Variants in PTPRB observed in about 807,000 individuals in gnomAD.
PTPRB encodes the protein protein tyrosine phosphatase receptor type B, also known as receptor-type tyrosine-protein phosphatase beta.
A neutral mutation model predicts 238.1 loss-of-function variants in PTPRB; 97 were observed. That is an observed-to-expected ratio of 0.41 (90% CI 0.35 to 0.48). The LOEUF (loss-of-function observed/expected upper bound fraction) is 0.48. Ranked by LOEUF, PTPRB falls within the 20% of genes least tolerant of loss-of-function variation. The pLI, the probability that PTPRB is intolerant of heterozygous loss-of-function variation, is 0.30. For missense variants in PTPRB, 2,292 were observed against 2,681.9 expected (o/e 0.85, Z 3.21); for synonymous variants, 970 against 995.4 (o/e 0.97, Z 0.48).
At chr12:70,626,430 A>C (rs1885206059) in intron 2 of PTPRB, among the ~76,000 whole-genome samples, 2 of 144,716 alleles carry the variant, frequency 1.4e-5, no homozygotes. Flanking sequence ...TACCTAATCT[A>C]TCTAGTTGGC....
chr12:70,523,040 T>C (rs1378055127), intron 33 of PTPRB, among the ~76,000 whole-genome samples: 2 of 151,606 alleles, frequency 1.3e-5, no homozygotes, highest in Admixed American at 6.6e-5. Flanking sequence ...TTTTTGTATT[T>C]TTAGTAGAGA....
At chr12:70,633,552 A>G (rs1355781789) in intron 2 of PTPRB, among the ~76,000 whole-genome samples, 1 of 152,218 alleles carries the variant, frequency 6.6e-6, no homozygotes, top group African/African-American at 2.4e-5. Context: ...TTAAAGCAAA[A>G]GTATGTGTTA....
intron 32 of PTPRB, among the ~76,000 whole-genome samples, chr12:70,528,827 G>GCAAA (rs1311436172): frequency 1.3e-5 from 2 of 152,154 alleles, no homozygotes; most frequent in African/African-American, 4.8e-5. Flanking sequence ...CCTGGCTTGG[G>GCAAA]CAAACACATG....
intron 10 of PTPRB, among the ~76,000 whole-genome samples, chr12:70,579,143 G>A (rs180774993): frequency 6.6e-4 from 101 of 152,298 alleles, no homozygotes; most frequent in African/African-American, 2.0e-3. Flanking sequence ...ACTGGGAAAT[G>A]AATGCAAGGT....
chr12:70,583,652 T>A (rs1287338614), intron 9 of PTPRB, among the ~76,000 whole-genome samples: 1 of 152,132 alleles, frequency 6.6e-6, no homozygotes, highest in African/African-American at 2.4e-5. Context: ...AACGATTTCC[T>A]CTGAGAACTC....
chr12:70,609,459 C>T, intron 3 of PTPRB, 120 bp from the exon 4 acceptor site: 1 of 1,336,698 alleles, frequency 7.5e-7, no homozygotes, highest in Non-Finnish European at 1.0e-6. Context: ...CTTGCCTCAG[C>T]CAGTCCTTTT....
At chr12:70,604,335 G>A (rs1464146232) in intron 4 of PTPRB, among the ~76,000 whole-genome samples, 1 of 152,084 alleles carries the variant, frequency 6.6e-6, no homozygotes, top group African/African-American at 2.4e-5. Context: ...AATACTCCTA[G>A]GCATTATAGA....
At chr12:70,625,265 G>A (rs1490085659) in intron 2 of PTPRB, among the ~76,000 whole-genome samples, 3 of 152,132 alleles carry the variant, frequency 2.0e-5, no homozygotes, top group African/African-American at 7.2e-5. Flanking sequence ...GCAGTGGTTT[G>A]CAAACTTTTG....
At chr12:70,620,928 A>C (rs559554897) in intron 3 of PTPRB, among the ~76,000 whole-genome samples, 1 of 152,352 alleles carries the variant, frequency 6.6e-6, no homozygotes, top group East Asian at 1.9e-4. Context: ...AGAAACCCCC[A>C]AAACCCTGAC....
chr12:70,629,091 G>A (rs766867149), intron 2 of PTPRB, among the ~76,000 whole-genome samples: 1 of 152,130 alleles, frequency 6.6e-6, no homozygotes, highest in Non-Finnish European at 1.5e-5. Context: ...TAGTAATAAT[G>A]GTGCTAGCTA....
intron 4 of PTPRB, among the ~76,000 whole-genome samples, chr12:70,607,245 C>T (rs559128218): frequency 9.8e-5 from 15 of 152,328 alleles, no homozygotes; most frequent in African/African-American, 3.4e-4. Flanking sequence ...AGGTCTTAAT[C>T]TTTTCTCCAA....
chr12:70,526,778 G>A (rs1254259034), intron 32 of PTPRB, among the ~76,000 whole-genome samples: 1 of 152,142 alleles, frequency 6.6e-6, no homozygotes, highest in Non-Finnish European at 1.5e-5. Context: ...CAGTTCTACT[G>A]GGATATTACA....
In PTPRB at chr12:70,590,025, C is replaced by T. The variant is rs147179186; in HGVS notation, c.1989G>A (p.Glu663=). The T allele has an allele frequency of 7.0e-5, 113 of 1,613,996 alleles. No homozygotes were observed. The African/African-American group carries it at 1.4e-3, about 20-fold the overall frequency. Reference sequence around the variant, plus strand: ...TTCCACTCTCAACAATGACTTCCACCTCATACTGTCTTCCCGGTACGAGCC... The same window carrying T: ...TTCCACTCTCAACAATGACTTCCACTTCATACTGTCTTCCCGGTACGAGCC... ...DTGLVPGRQY[E]VEVIVESGNL... The change falls in exon 8 of 34, where the codon GAG becomes GAA. Residue 663 remains glutamate (E), a synonymous_variant. Coordinates refer to ENST00000334414, the MANE Select transcript of PTPRB (RefSeq NM_001109754.4).
chr12:70,531,910 T>C, intron 32 of PTPRB, 125 bp downstream of exon 32: 1 of 1,099,190 alleles, frequency 9.1e-7, no homozygotes, highest in Non-Finnish European at 1.3e-6. Context: ...CTACATGCAG[T>C]TCTTTTTTTC....
chr12:70,521,570 C>CTGTT, intron 33 of PTPRB, 59 bp from the exon 34 acceptor site: 1 of 1,399,006 alleles, frequency 7.1e-7, no homozygotes, highest in South Asian at 1.6e-5. Context: ...ATTGTTTACG[C>CTGTT]TGTTTATGAA....
At chr12:70,581,848 A>G (rs1195843390) in intron 9 of PTPRB, among the ~76,000 whole-genome samples, 1 of 151,476 alleles carries the variant, frequency 6.6e-6, no homozygotes, top group Admixed American at 6.6e-5. Flanking sequence ...GATAATAACA[A>G]CAACTACTGA....
At chr12:70,634,199 ATGAG>A (rs746882098) in intron 2 of PTPRB, among the ~76,000 whole-genome samples, 26 of 152,190 alleles carry the variant, frequency 1.7e-4, no homozygotes, top group Non-Finnish European at 2.6e-4. Context: ...TACAGAATGA[ATGAG>A]TGAGAAAAAA....
At position 70,559,420 on chromosome 12, in the gene PTPRB, T is replaced by C. The variant is rs1878165971; in HGVS notation, c.4637A>G (p.Tyr1546Cys). ...IVYGLRPGRS[Y>C]QFNVKTVSGD... is the part of the protein sequence containing the mutation. Reference sequence around the variant, plus strand: ...ACTGACAGTCTTGACGTTGAATTGATAGGATCTCCCTGGACGAAGACCATA... The same window carrying C: ...ACTGACAGTCTTGACGTTGAATTGACAGGATCTCCCTGGACGAAGACCATA... Residue 1546 changes from tyrosine (Y) to cysteine (C), a missense_variant, in exon 18 of 34, where the codon TAT becomes TGT. Transcript: ENST00000334414. 6.2e-7 allele frequency: 1 copy of C among 1,613,812 alleles called. No homozygotes were observed. The highest frequency in any genetic ancestry group is 1.7e-5 in the Admixed American group (1 of 60,002).
rs1371986237 is a variant in PTPRB, at chr12:70,524,531, T to G, written c.6565A>C (p.Ser2189Arg). 1 of 1,613,250 alleles carries G rather than the reference T, an allele frequency of 6.2e-7. No individual in the cohort carries two copies. The highest frequency in any genetic ancestry group is 1.3e-5 in the African/African-American group (1 of 74,908). Residue 2189 changes from serine to arginine, a missense_variant, in exon 33 of 34, where the codon AGT becomes CGT. Physicochemically the swap from Ser to Arg is moderately radical, Grantham distance 110. This residue lies in a region of PTPRB where 397 missense variants were observed against 502.0 expected (regional missense o/e 0.79). Transcript: ENST00000334414. ...RDVLRARKLRSEQENPLFPIY... is the reference protein window; with the variant it reads ...RDVLRARKLRREQENPLFPIY... The stretch of plus-strand genomic sequence containing the variant: ...GGAAACAAGGGGTTTTCTTGTTCAC[T>G]CCGTAGCTTTCTTGCTCTGAGGACA...
Sources: allele counts gnomAD v4.1 joint callset (sites outside exome capture counted in the v4.1 genomes callset), GRCh38; gene constraint gnomAD v4.1.1; regional missense constraint gnomAD v4.1.1; transcripts MANE v1.5; gene names NCBI Gene and HGNC (gene_info 2026-07-23, HGNC 2026-07-21).